GOSR2: variants seen among roughly 807,000 people sequenced by gnomAD.
GOSR2 encodes 27 kDa Golgi SNARE protein.
In GOSR2, 20 loss-of-function variants were observed where a neutral mutation model predicts 27.9. The observed-to-expected ratio is 0.72, with a 90% CI of 0.50 to 1.04. GOSR2 has a LOEUF of 1.04. GOSR2 is among the 50% of genes least tolerant of loss of function. GOSR2 has a pLI of 0.00. For synonymous variants in GOSR2, 91 were observed against 98.8 expected (o/e 0.92, Z 0.47); for missense variants, 261 against 270.5 (o/e 0.97, Z 0.25).
intron 6 of GOSR2, chr17:46,966,392 C>G: frequency 3.6e-6 from 2 of 555,840 alleles, no homozygotes; most frequent in East Asian, 3.1e-5. Context: ...TCAAGGCCCT[C>G]AGATACCTGG....
At chr17:46,934,002 C>G (rs1356891711) in intron 4 of GOSR2, among the ~76,000 whole-genome samples, 3 of 151,678 alleles carry the variant, frequency 2.0e-5, no homozygotes, top group Admixed American at 6.6e-5. Flanking sequence ...TTGTGATTGG[C>G]AGAAAAGAGA....
At chr17:46,935,347 T>C (rs2088136193) in intron 5 of GOSR2, 178 bp downstream of exon 5, 1 of 1,464,566 alleles carries the variant, frequency 6.8e-7, no homozygotes, top group Non-Finnish European at 9.0e-7. Context: ...AGCCTGAAAG[T>C]ACCCAGTTCC....
At chr17:46,949,557 A>G (rs1027772772) in intron 6 of GOSR2, among the ~76,000 whole-genome samples, 1 of 152,178 alleles carries the variant, frequency 6.6e-6, no homozygotes, top group African/African-American at 2.4e-5. Context: ...GTGGGTGGCC[A>G]TCTTTGGAGA....
downstream of GOSR2, among the ~76,000 whole-genome samples, chr17:46,946,895 C>T (rs1030311959): frequency 4.6e-5 from 7 of 152,110 alleles, no homozygotes; most frequent in South Asian, 8.3e-4. Flanking sequence ...TGAGATGTCG[C>T]GGGGCAGCAG....
In GOSR2 at chr17:46,923,319, G is replaced by A. The variant is rs891407619; in HGVS notation, c.29+98G>A. On this transcript the variant is annotated intron_variant, in intron 1 of 5. Coordinates refer to ENST00000640051, the MANE Select transcript of GOSR2 (RefSeq NM_004287.5). ...GCCTCGGACGTCAGCCAGGGTAGAG[G>A]CCGAGTTTTTCCGCCAGGGCACTGC... The A allele has an allele frequency of 1.2e-5, 18 of 1,540,878 alleles. No homozygotes were observed. The South Asian group carries it at 1.9e-4, about 16-fold the overall frequency.
intron 4 of GOSR2, chr17:46,932,418 T>C: frequency 1.6e-6 from 1 of 614,388 alleles, no homozygotes; most frequent in East Asian, 2.7e-5. Flanking sequence ...AGCAGTTAAA[T>C]TGAAGGGGAA....
chr17:46,948,756 T>C (rs990074261), intron 6 of GOSR2: 28 of 152,172 alleles, frequency 1.8e-4, no homozygotes, highest in Admixed American at 1.2e-3. Context: ...ACTGTGGATG[T>C]GGGGCAGCCT....
Position 46,939,035 on chromosome 17 carries a change from G to A in GOSR2, c.*275G>A, listed in dbSNP as rs529000124. On this transcript the variant is annotated 3_prime_UTR_variant, in exon 6 of 6. Transcript: ENST00000640051. ...TCTCGCTCTCACTGGGGGAGGGAAA[G>A]AATGGCTTTGGTGGCTTTGTTCACA... 369 of 1,245,888 alleles carry A rather than the reference G, an allele frequency of 3.0e-4. 2 individuals are homozygous for A. The African/African-American group carries it at 5.4e-3, about 18-fold the overall frequency. 77.2% of individuals were successfully genotyped at this position (1,245,888 alleles called of 1,614,324 possible).
In GOSR2 at chr17:46,935,130, T is replaced by C. The variant is rs2088082494; in HGVS notation, c.438T>C (p.Asn146=). The change falls in exon 5 of 6, where the codon AAT becomes AAC. Residue 146 remains asparagine (N), a synonymous_variant. Coordinates refer to ENST00000640051, the MANE Select transcript of GOSR2 (RefSeq NM_004287.5). ...GMDDLILDGH[N]ILDGLRTQRL... is the part of the protein sequence containing the mutation. ...ATGACCTCATTTTAGATGGGCACAA[T>C]ATTTTAGATGGACTGAGGACCCAGA... 3 of 1,613,938 alleles carry C rather than the reference T, an allele frequency of 1.9e-6. No homozygotes were observed. Among genetic ancestry groups the C allele is most frequent in the Admixed American group, 1.7e-5 (1 of 60,010 alleles).
downstream of GOSR2, among the ~76,000 whole-genome samples, chr17:46,945,160 A>G (rs565148470): frequency 4.6e-5 from 7 of 152,204 alleles, no homozygotes; most frequent in South Asian, 1.2e-3. Flanking sequence ...GAGGGGCAGG[A>G]GTGGCCTGGG....
At chr17:46,924,120 C>T (rs1312274133) in intron 1 of GOSR2, 3 of 348,154 alleles carry the variant, frequency 8.6e-6, no homozygotes, top group African/African-American at 6.3e-5. Context: ...ATCAGTAGCA[C>T]TTCATTTCTT....
chr17:46,935,497 T>C, intron 5 of GOSR2: 1 of 1,338,720 alleles, frequency 7.5e-7, no homozygotes, highest in East Asian at 2.9e-5. Context: ...CAGAATCTAC[T>C]CTTGGAAGAA....
At chr17:46,963,194 T>G (rs905323876) in intron 6 of GOSR2, among the ~76,000 whole-genome samples, 8 of 152,252 alleles carry the variant, frequency 5.3e-5, no homozygotes, top group Non-Finnish European at 7.3e-5. Context: ...TTCCTTGTCT[T>G]TCTTCATCCT....
chr17:46,940,012 A>G lies in GOSR2; in HGVS notation c.*1252A>G. 9.9e-7 allele frequency: 1 copy of G among 1,010,952 alleles called. No homozygotes were observed. The highest frequency in any genetic ancestry group is 1.2e-6 in the Non-Finnish European group (1 of 844,230). 62.6% of individuals were successfully genotyped at this position (1,010,952 alleles called of 1,614,324 possible). On this transcript the variant is annotated 3_prime_UTR_variant, in exon 6 of 6. Transcript: ENST00000640051. ...ATCCTTCAGATCTGGAAACCGGCTC[A>G]GTATTAACCCTACCTTTGGTTGTCC...
intron 6 of GOSR2, among the ~76,000 whole-genome samples, chr17:46,973,333 C>CT (rs1227042792): frequency 6.6e-6 from 1 of 151,690 alleles, no homozygotes; most frequent in South Asian, 2.1e-4. Flanking sequence ...TTTCTTTTTT[C>CT]TTTTTTGCCA....
At chr17:46,951,896 C>CG (rs2090381468) in intron 6 of GOSR2, among the ~76,000 whole-genome samples, 1 of 152,134 alleles carries the variant, frequency 6.6e-6, no homozygotes, top group East Asian at 1.9e-4. Context: ...CTTCTCCCCC[C>CG]CAGACATCAC....
At chr17:46,966,683 C>A in exon 7 of GOSR2, 1 of 530,824 alleles carries the variant, frequency 1.9e-6, no homozygotes, top group African/African-American at 1.9e-5. Context: ...TGGATTTGAA[C>A]TCTGGTTCTA....
intron 6 of GOSR2, chr17:46,955,438 T>C (rs1206332920): frequency 6.6e-6 from 1 of 152,176 alleles, no homozygotes; most frequent in Non-Finnish European, 1.5e-5. Context: ...TTGAGGATTT[T>C]TGCATCAATG....
intron 2 of GOSR2, 24 bp downstream of exon 2, chr17:46,929,608 A>G: frequency 3.3e-6 from 4 of 1,211,776 alleles, no homozygotes; most frequent in Non-Finnish European, 4.9e-6. Flanking sequence ...TGTGGAGACC[A>G]GAGTCCTTTC....
Sources: gnomAD v4.1 joint callset for allele counts (sites outside exome capture counted in the v4.1 genomes callset) on GRCh38, gnomAD v4.1.1 for gene constraint, MANE v1.5 for transcripts, NCBI Gene and HGNC (gene_info 2026-07-23, HGNC 2026-07-21) for gene names.